Variants in PCDHGA4 observed in about 807,000 individuals in gnomAD.
PCDHGA4 encodes protocadherin gamma-A4.
A neutral mutation model predicts 54.6 loss-of-function variants in PCDHGA4; 38 were observed. The ratio of observed to expected loss-of-function variants is 0.70; its 90% CI spans 0.54 to 0.91. The LOEUF (loss-of-function observed/expected upper bound fraction) is 0.91. Among genes scored for constraint, PCDHGA4 ranks in the 40% least tolerant of loss-of-function variants. The pLI, the probability that PCDHGA4 is intolerant of heterozygous loss-of-function variation, is 0.00. For synonymous variants in PCDHGA4, 511 were observed against 512.9 expected, an observed-to-expected ratio of 1.00 and a Z score of 0.05; for missense variants, 1,298 against 1,220.9, an observed-to-expected ratio of 1.06 and a Z score of -0.94.
chr5:141,374,376 A>G (rs1770434456), intron 1 of PCDHGA4: 8 of 1,613,952 alleles, frequency 5.0e-6, no homozygotes, highest in Non-Finnish European at 6.8e-6. Context: ...CTCTGTGCTC[A>G]GAGCCCGCGG....
chr5:141,485,214 G>T lies in PCDHGA4; in HGVS notation c.2515-9593G>T. 6.2e-7 allele frequency: 1 copy of T among 1,614,164 alleles called. No individual in the cohort carries two copies. The highest frequency in any genetic ancestry group is 8.5e-7 in the Non-Finnish European group (1 of 1,179,996). On this transcript the variant is annotated intron_variant, in intron 1 of 3. Transcript: ENST00000571252. This position sits in a 1 kb window ranked among gnomAD's most constrained non-coding sequence, Gnocchi z 5.7. ...AGAAGCTGGACAGAAATCTGGCGGT[G>T]GGCTACCCTTTTGTTCCTCTTTTAC...
intron 1 of PCDHGA4, among the ~76,000 whole-genome samples, chr5:141,458,102 A>G (rs1314999618): frequency 6.6e-6 from 1 of 152,246 alleles, no homozygotes; most frequent in Admixed American, 6.5e-5. Context: ...GTACTTACAG[A>G]TAGTCTCCAA....
intron 1 of PCDHGA4, chr5:141,364,555 TG>T: frequency 6.2e-7 from 1 of 1,614,108 alleles, no homozygotes; most frequent in Non-Finnish European, 8.5e-7. Context: ...CGCAGCTTTT[TG>T]CCCTGAACCC....
chr5:141,408,337 G>T (rs1191967573), intron 1 of PCDHGA4: 3 of 1,613,954 alleles, frequency 1.9e-6, no homozygotes, highest in Non-Finnish European at 2.5e-6. Context: ...CCAAGGGCTC[G>T]GTGGTGGGGA....
chr5:141,366,936 C>A, intron 1 of PCDHGA4: 1 of 864,802 alleles, frequency 1.2e-6, no homozygotes, highest in African/African-American at 1.7e-5. Context: ...TTTGGGAAGT[C>A]TAGCTGATAT....
At chr5:141,360,504 G>A in intron 1 of PCDHGA4, 1 of 1,613,932 alleles carries the variant, frequency 6.2e-7, no homozygotes, top group Non-Finnish European at 8.5e-7. Context: ...CAGTAATTGT[G>A]CAGGATATAA....
chr5:141,378,227 A>G (rs1774726852), intron 1 of PCDHGA4: 1 of 152,200 alleles, frequency 6.6e-6, no homozygotes, highest in Non-Finnish European at 1.5e-5. Flanking sequence ...GCCTGATAGT[A>G]TTTAAGAGTG....
At chr5:141,427,954 T>G in intron 1 of PCDHGA4, 1 of 1,587,162 alleles carries the variant, frequency 6.3e-7, no homozygotes, top group Non-Finnish European at 8.6e-7. Context: ...AATGACAATG[T>G]GCCGCGGGTG....
chr5:141,362,045 C>T (rs573308473), intron 1 of PCDHGA4: 5 of 1,610,542 alleles, frequency 3.1e-6, no homozygotes, highest in Non-Finnish European at 4.2e-6. Flanking sequence ...GACAGGGACG[C>T]GGCCCGCCAG....
At chr5:141,421,489 G>T (rs754141447) in intron 1 of PCDHGA4, 9 of 1,614,094 alleles carry the variant, frequency 5.6e-6, no homozygotes, top group Non-Finnish European at 7.6e-6. Context: ...CTTGATCACG[G>T]CAGGCAGGAT....
intron 1 of PCDHGA4, chr5:141,370,358 T>A (rs772671669): frequency 4.8e-5 from 73 of 1,513,438 alleles, no homozygotes; most frequent in Non-Finnish European, 6.2e-5. Context: ...AGATCTCCTC[T>A]CCTCGGATTT....
intron 2 of PCDHGA4, among the ~76,000 whole-genome samples, chr5:141,502,478 A>G (rs2099814452): frequency 6.6e-6 from 1 of 150,896 alleles, no homozygotes; most frequent in Non-Finnish European, 1.5e-5. Flanking sequence ...CCGCAGCATC[A>G]CACTGGGACT....
At chr5:141,422,887 C>T in intron 1 of PCDHGA4, 1 of 1,614,264 alleles carries the variant, frequency 6.2e-7, no homozygotes, top group Non-Finnish European at 8.5e-7. Context: ...CCTGTTCGTG[C>T]TGGACCAGAA....
intron 1 of PCDHGA4, among the ~76,000 whole-genome samples, chr5:141,492,782 C>T (rs2099743868): frequency 6.6e-6 from 1 of 152,258 alleles, no homozygotes; most frequent in Non-Finnish European, 1.5e-5. Context: ...GAGTGAGCCT[C>T]TATAGGACAG....
At chr5:141,372,265 G>T (rs1317887998) in intron 1 of PCDHGA4, 2 of 1,613,014 alleles carry the variant, frequency 1.2e-6, no homozygotes, top group Non-Finnish European at 1.7e-6. Flanking sequence ...CTGCGCACGG[G>T]TGAGGTGCGC....
At chr5:141,427,707 T>C in intron 1 of PCDHGA4, 1 of 1,011,828 alleles carries the variant, frequency 9.9e-7, no homozygotes, top group Non-Finnish European at 1.5e-6. Context: ...AGTCAGCGCC[T>C]CTGACCTGGA....
chr5:141,409,591 G>A (rs72790040), intron 1 of PCDHGA4: 42,493 of 1,613,766 alleles, frequency 0.026, 744 homozygotes, highest in East Asian at 0.041. Context: ...ACGTGGCCGA[G>A]AACAACCCGC....
At position 141,476,379 on chromosome 5, in the gene PCDHGA4, T is replaced by TTCA. The variant is rs768549633; in HGVS notation, c.2515-18428_2515-18427insTCA. 9 of 1,614,126 alleles carry TTCA rather than the reference T, an allele frequency of 5.6e-6. No homozygotes were observed. The East Asian group carries it at 2.0e-4, about 36-fold the overall frequency. ...AACCGGGAGACCGGAGAGATGTTTG[T>TTCA]GAACGACCGTCTGGATCGAGAGGAG... On this transcript the variant is annotated intron_variant, in intron 1 of 3. Transcript: ENST00000571252. This position sits in a 1 kb window ranked among gnomAD's most constrained non-coding sequence, Gnocchi z 7.6.
chr5:141,469,753 T>C (rs564585597), intron 1 of PCDHGA4, among the ~76,000 whole-genome samples: 1 of 152,322 alleles, frequency 6.6e-6, no homozygotes, highest in East Asian at 1.9e-4. Flanking sequence ...ATTACAAAAA[T>C]ACATATATAC....
Sources: allele counts gnomAD v4.1 joint callset (sites outside exome capture counted in the v4.1 genomes callset), GRCh38; gene constraint gnomAD v4.1.1; non-coding constraint Gnocchi (gnomAD v3.1); transcripts MANE v1.5; gene names NCBI Gene and HGNC (gene_info 2026-07-23, HGNC 2026-07-21).